Variants in CACNA2D2 observed in about 807,000 individuals in gnomAD.
CACNA2D2 encodes the protein calcium voltage-gated channel auxiliary subunit alpha2delta 2.
Under a neutral mutation model 166.4 loss-of-function variants are expected in CACNA2D2, and 48 were observed. That is an observed-to-expected ratio of 0.29 (90% CI 0.23 to 0.37). The LOEUF (loss-of-function observed/expected upper bound fraction) is 0.37. CACNA2D2 is among the 10% of genes least tolerant of loss of function. The pLI, the probability that CACNA2D2 is intolerant of heterozygous loss-of-function variation, is 1.00. For synonymous variants in CACNA2D2, 561 were observed against 573.7 expected, an observed-to-expected ratio of 0.98 and a Z score of 0.32; for missense variants, 1,122 against 1,433.0, an observed-to-expected ratio of 0.78 and a Z score of 3.50.
intron 2 of CACNA2D2, among the ~76,000 whole-genome samples, chr3:50,460,137 G>C (rs923212278): frequency 2.6e-5 from 4 of 152,136 alleles, no homozygotes; most frequent in African/African-American, 4.8e-5. Flanking sequence ...AATTAAGCCT[G>C]TTTTTTAAAA....
intron 3 of CACNA2D2, among the ~76,000 whole-genome samples, chr3:50,429,932 A>C (rs1181621806): frequency 6.6e-6 from 1 of 152,038 alleles, no homozygotes; most frequent in Non-Finnish European, 1.5e-5. Flanking sequence ...AGCTCCTTAG[A>C]CAATTCCAAT....
rs548658656 is a variant in CACNA2D2, at chr3:50,454,789, A to C, written c.289-20360T>G. ...TCCACAGGGTGGCTGGAGGAGGGGC[A>C]CTGCCTGGGCCAGCCTCTGCAGCAT... On this transcript the variant is annotated intron_variant, in intron 2 of 37. Transcript: ENST00000424201. Among the ~76,000 whole-genome samples, 15 of 152,260 alleles carry C rather than the reference A, an allele frequency of 9.9e-5. No individual in the cohort carries two copies. In the South Asian group the frequency reaches 3.1e-3, roughly 32 times the overall value.
chr3:50,399,529 A>T (rs1706337990), intron 3 of CACNA2D2, among the ~76,000 whole-genome samples: 1 of 152,134 alleles, frequency 6.6e-6, no homozygotes, highest in Non-Finnish European at 1.5e-5. Flanking sequence ...GAGGGCTGCA[A>T]GGAAGGTAGC....
At position 50,381,916 on chromosome 3, in the gene CACNA2D2, C is replaced by T. The variant is rs1047227851; in HGVS notation, c.653-790G>A. 5.3e-5 allele frequency among the ~76,000 whole-genome samples: 8 copies of T among 151,644 alleles called. 1 individual carries two copies. Among genetic ancestry groups the T allele is most frequent in the African/African-American group, 1.9e-4 (8 of 41,216 alleles). ...CTCACAACCCCCTACCATCAGTTACCCCATTCTCCCTTCCCCCCAACCCTT... is the reference window on the plus strand; with the variant it reads ...CTCACAACCCCCTACCATCAGTTACTCCATTCTCCCTTCCCCCCAACCCTT... On this transcript the variant is annotated intron_variant, in intron 6 of 37. Coordinates refer to ENST00000424201, the MANE Select transcript of CACNA2D2 (RefSeq NM_006030.4).
intron 13 of CACNA2D2, 78 bp downstream of exon 13, chr3:50,378,837 G>A: frequency 6.5e-7 from 1 of 1,529,874 alleles, no homozygotes; most frequent in Non-Finnish European, 9.0e-7. Flanking sequence ...CTGGACATAT[G>A]GATGGCCAGT....
intron 3 of CACNA2D2, among the ~76,000 whole-genome samples, chr3:50,412,846 T>C (rs1707084744): frequency 6.6e-6 from 1 of 152,194 alleles, no homozygotes; most frequent in South Asian, 2.1e-4. Flanking sequence ...GGAGAGGGCC[T>C]GGTTGTCAGG....
chr3:50,474,700 T>C (rs973341267), intron 2 of CACNA2D2, among the ~76,000 whole-genome samples: 29 of 152,350 alleles, frequency 1.9e-4, no homozygotes, highest in Admixed American at 9.2e-4. Context: ...GGAAAGGTGC[T>C]GGCTGCACAC....
rs587685915 is a variant in CACNA2D2, at chr3:50,370,554, A to C, written c.1985-174T>G. 9.9e-5 allele frequency among the ~76,000 whole-genome samples: 15 copies of C among 152,126 alleles called. No homozygotes were observed. In the South Asian group the frequency reaches 3.1e-3, roughly 32 times the overall value. ...CAGGAGCCAGAGAGAAGGGACGGGC[A>C]GGGAGGGTGGAGGGCCTGTGGAGAC... is the stretch of plus-strand genomic sequence containing the variant. On this transcript the variant is annotated intron_variant, in intron 22 of 37. Transcript: ENST00000424201.
intron 1 of CACNA2D2, among the ~76,000 whole-genome samples, chr3:50,481,827 C>G (rs1698068410): frequency 6.6e-6 from 1 of 152,020 alleles, no homozygotes. Flanking sequence ...GAAACCCTGT[C>G]TCTACAAAAA....
chr3:50,379,029 G>A lies in CACNA2D2; in HGVS notation c.1261-36C>T, dbSNP rs1255573376. 3.1e-6 allele frequency: 5 copies of A among 1,613,650 alleles called. No homozygotes were observed. The highest frequency in any genetic ancestry group is 3.4e-6 in the Non-Finnish European group (4 of 1,179,894). ...TTTGAGGTTACTGCTGTGGCCACCAGGGGACAGCCCTCTTCTGTACTGGGC... is the reference window on the plus strand; with the variant it reads ...TTTGAGGTTACTGCTGTGGCCACCAAGGGACAGCCCTCTTCTGTACTGGGC... On this transcript the variant is annotated intron_variant, in intron 12 of 37. Coordinates refer to ENST00000424201, the MANE Select transcript of CACNA2D2 (RefSeq NM_006030.4). The surrounding 1 kb of genome is among the most constrained non-coding windows in gnomAD (Gnocchi z 6.5).
intron 2 of CACNA2D2, among the ~76,000 whole-genome samples, chr3:50,463,744 G>T (rs1351760848): frequency 6.6e-6 from 1 of 152,234 alleles, no homozygotes; most frequent in Non-Finnish European, 1.5e-5. Flanking sequence ...GCACAAACCA[G>T]CAAGCCCTCA....
intron 1 of CACNA2D2, among the ~76,000 whole-genome samples, chr3:50,487,802 A>C (rs187856070): frequency 1.6e-4 from 24 of 152,226 alleles, no homozygotes; most frequent in Admixed American, 1.4e-3. Flanking sequence ...GGTGCTTCCA[A>C]CTTTCTGTAA....
At chr3:50,407,313 T>C (rs1196495066) in intron 3 of CACNA2D2, among the ~76,000 whole-genome samples, 2 of 151,844 alleles carry the variant, frequency 1.3e-5, no homozygotes, top group African/African-American at 4.8e-5. Flanking sequence ...AAGGCCTGTT[T>C]GTGGCTTTTG....
chr3:50,398,234 G>A lies in CACNA2D2; in HGVS notation c.406-4066C>T, dbSNP rs374746769. On this transcript the variant is annotated intron_variant, in intron 3 of 37. Transcript: ENST00000424201. ...CCCAAGTGCCTGTCCCCCTGGGAGT[G>A]GTTCCTTGCTTGGGCTCTGGGCTCT... Among the ~76,000 whole-genome samples the A allele has an allele frequency of 3.5e-4, 53 of 152,186 alleles. No individual in the cohort carries two copies. The South Asian group carries it at 0.011, about 32-fold the overall frequency.
intron 4 of CACNA2D2, among the ~76,000 whole-genome samples, chr3:50,391,462 T>G (rs1018306434): frequency 2.0e-5 from 3 of 152,232 alleles, no homozygotes; most frequent in Non-Finnish European, 4.4e-5. Flanking sequence ...ATCCTAAGTG[T>G]TATGGGCACC....
intron 3 of CACNA2D2, among the ~76,000 whole-genome samples, chr3:50,411,353 C>T (rs558540956): frequency 7.6e-4 from 115 of 152,300 alleles, no homozygotes; most frequent in Admixed American, 7.3e-3. Flanking sequence ...GCTACCATGT[C>T]CGTGGTCTGC....
chr3:50,413,179 G>C (rs1005755912), intron 3 of CACNA2D2, among the ~76,000 whole-genome samples: 2 of 152,166 alleles, frequency 1.3e-5, no homozygotes, highest in Non-Finnish European at 2.9e-5. Flanking sequence ...TTGGGGTAGG[G>C]GGGTGGTGGT....
At chr3:50,381,155 G>A in intron 6 of CACNA2D2, 29 bp from the exon 7 acceptor site, 1 of 1,611,666 alleles carries the variant, frequency 6.2e-7, no homozygotes, top group Non-Finnish European at 8.5e-7. Context: ...CTGGGGTGGG[G>A]AGCACCTGGG....
intron 23 of CACNA2D2, among the ~76,000 whole-genome samples, chr3:50,368,935 T>C (rs1236842707): frequency 2.6e-5 from 4 of 152,208 alleles, no homozygotes; most frequent in Admixed American, 6.5e-5. Context: ...GGTGGAGCTC[T>C]CTCTCGCTCG....
Sources: allele counts gnomAD v4.1 joint callset (sites outside exome capture counted in the v4.1 genomes callset), GRCh38; gene constraint gnomAD v4.1.1; non-coding constraint Gnocchi (gnomAD v3.1); transcripts MANE v1.5; gene names NCBI Gene and HGNC (gene_info 2026-07-23, HGNC 2026-07-21).